PCDH11Y: variants seen among roughly 807,000 people sequenced by gnomAD.
PCDH11Y encodes protocadherin-11 Y-linked.
For missense variants in PCDH11Y, 12 were observed against 224.8 expected (o/e 0.05, Z 6.05); for synonymous variants, 9 against 83.6 (o/e 0.11, Z 4.87).
At chrY:5,234,485 A>G in intron 2 of PCDH11Y, among the ~76,000 whole-genome samples, 1 of 31,182 alleles carries the variant, frequency 3.2e-5, no homozygotes, top group African/African-American at 1.3e-4. Flanking sequence ...ACCTCAAATG[A>G]TCTGCCTGCC....
At chrY:5,296,299 G>A (rs2124662531) in intron 2 of PCDH11Y, among the ~76,000 whole-genome samples, 7 of 32,645 alleles carry the variant, frequency 2.1e-4, no homozygotes, top group African/African-American at 7.2e-4. Flanking sequence ...AGAATTCTTG[G>A]AATCACCAGG....
chrY:5,219,344 G>A, intron 2 of PCDH11Y, among the ~76,000 whole-genome samples: 2 of 32,235 alleles, frequency 6.2e-5, no homozygotes, highest in African/African-American at 2.4e-4. Flanking sequence ...AGTTTACAAG[G>A]GTTCCCTATT....
intron 2 of PCDH11Y, among the ~76,000 whole-genome samples, chrY:5,355,879 G>A (rs1602910247): frequency 1.8e-4 from 6 of 33,710 alleles, no homozygotes; most frequent in Non-Finnish European, 3.7e-4. Flanking sequence ...AAGTCCTAAA[G>A]TGAGGACATT....
At chrY:5,070,405 G>C (rs2052698197) in intron 1 of PCDH11Y, among the ~76,000 whole-genome samples, 36 of 31,161 alleles carry the variant, frequency 1.2e-3, no homozygotes, top group Non-Finnish European at 7.8e-5. Context: ...TGTTTATTTT[G>C]AAACTTGCCT....
intron 2 of PCDH11Y, among the ~76,000 whole-genome samples, chrY:5,466,061 A>T: frequency 3.0e-5 from 1 of 33,138 alleles, no homozygotes; most frequent in Non-Finnish European, 7.5e-5. Context: ...GAAATTGGAA[A>T]TATTAACTCA....
At chrY:5,641,808 A>C in intron 4 of PCDH11Y, among the ~76,000 whole-genome samples, 1 of 33,485 alleles carries the variant, frequency 3.0e-5, no homozygotes, top group South Asian at 6.8e-4. Flanking sequence ...AATATGTAAA[A>C]AACACATCTG....
intron 4 of PCDH11Y, among the ~76,000 whole-genome samples, chrY:5,691,063 G>A (rs2053567271): frequency 6.1e-5 from 2 of 32,939 alleles, no homozygotes; most frequent in East Asian, 7.9e-4. Context: ...TGTTGGATGG[G>A]ACCAATATTT....
At chrY:5,048,575 T>C in intron 3 of PCDH11Y, among the ~76,000 whole-genome samples, 1 of 33,366 alleles carries the variant, frequency 3.0e-5, no homozygotes, top group South Asian at 6.8e-4. Context: ...TATTTTTGAC[T>C]TGTTAATAGT....
intron 4 of PCDH11Y, among the ~76,000 whole-genome samples, chrY:5,646,432 C>A: frequency 3.1e-5 from 1 of 32,528 alleles, no homozygotes; most frequent in Non-Finnish European, 7.5e-5. Flanking sequence ...TTTGATGACA[C>A]AATAGCGTCA....
chrY:5,454,456 T>C, intron 2 of PCDH11Y, among the ~76,000 whole-genome samples: 2 of 33,735 alleles, frequency 5.9e-5, no homozygotes, highest in Non-Finnish European at 1.5e-4. Context: ...CACTAGGCAA[T>C]GCCCCAGTAG....
upstream of PCDH11Y, among the ~76,000 whole-genome samples, chrY:5,051,330 T>C (rs1431213031): frequency 3.0e-5 from 1 of 33,175 alleles, no homozygotes; most frequent in Non-Finnish European, 7.4e-5. Context: ...TTATTTATTA[T>C]GATAATCTGG....
chrY:5,016,536 A>G, intron 1 of PCDH11Y, among the ~76,000 whole-genome samples: 1 of 33,315 alleles, frequency 3.0e-5, no homozygotes, highest in Non-Finnish European at 7.4e-5. Flanking sequence ...TCAACAAATT[A>G]AAGACATAAA....
intron 1 of PCDH11Y, among the ~76,000 whole-genome samples, chrY:5,001,320 A>C: frequency 2.9e-5 from 1 of 34,340 alleles, no homozygotes; most frequent in African/African-American, 1.1e-4. Flanking sequence ...TTTTTTAAAA[A>C]TCAACTTATA....
intron 3 of PCDH11Y, among the ~76,000 whole-genome samples, chrY:5,505,804 T>C (rs573503004): frequency 0.057 from 1,795 of 31,724 alleles, no homozygotes; most frequent in South Asian, 0.28. Flanking sequence ...TCCAATAAAT[T>C]GGTATAAAAA....
intron 2 of PCDH11Y, among the ~76,000 whole-genome samples, chrY:5,285,745 G>A: frequency 6.0e-5 from 2 of 33,163 alleles, no homozygotes; most frequent in Non-Finnish European, 1.5e-4. Flanking sequence ...ACTTTTTAAT[G>A]GGATTGTTTG....
At chrY:5,159,880 A>G (rs2052872961) in intron 2 of PCDH11Y, among the ~76,000 whole-genome samples, 1 of 30,070 alleles carries the variant, frequency 3.3e-5, no homozygotes, top group African/African-American at 1.3e-4. Context: ...AACCTTCTTA[A>G]CATTTAGCTA....
chrY:5,178,365 T>C (rs2052896035), intron 2 of PCDH11Y, among the ~76,000 whole-genome samples: 1 of 32,869 alleles, frequency 3.0e-5, no homozygotes, highest in South Asian at 6.7e-4. Context: ...ATCTTTATTA[T>C]ACATTGTTTT....
Position 5,249,059 on chromosome Y carries a change from G to A in PCDH11Y, c.3129+148352G>A. 9.2e-5 allele frequency among the ~76,000 whole-genome samples: 3 copies of A among 32,568 alleles called. No individual in the cohort carries two copies. In the South Asian group the frequency reaches 2.1e-3, roughly 22 times the overall value. The allele number at this position is 32,568 out of a possible 37,273, so 87.4% of individuals were successfully genotyped here. ...TCTTCAAGGAGAACTGCAAACCATT[G>A]CTCGAGAAATAACAGAGGACACAAA... On this transcript the variant is annotated intron_variant, in intron 2 of 4. Coordinates refer to the PCDH11Y transcript ENST00000400457.
intron 4 of PCDH11Y, among the ~76,000 whole-genome samples, chrY:5,602,786 T>C (rs2124699694): frequency 3.3e-5 from 1 of 30,033 alleles, no homozygotes; most frequent in Non-Finnish European, 7.9e-5. Context: ...CCTCTCCACC[T>C]TTTTAATCAG....
Sources: allele counts gnomAD v4.1 joint callset (sites outside exome capture counted in the v4.1 genomes callset), GRCh38; gene constraint gnomAD v4.1.1; transcripts MANE v1.5; gene names NCBI Gene and HGNC (gene_info 2026-07-23, HGNC 2026-07-21).